The following SS18L1 variants were observed in gnomAD, a reference collection of about 807,000 sequenced individuals.
SS18L1 encodes the protein calcium-responsive transactivator.
Under a neutral mutation model 70.3 loss-of-function variants are expected in SS18L1, and 32 were observed. The ratio of observed to expected loss-of-function variants is 0.46; its 90% CI spans 0.34 to 0.61. The LOEUF (loss-of-function observed/expected upper bound fraction) is 0.61, where lower values mean the gene tolerates loss of function less well. Ranked by LOEUF, SS18L1 falls within the 20% of genes least tolerant of loss-of-function variation. The pLI, the probability that SS18L1 is intolerant of heterozygous loss-of-function variation, is 0.01. For synonymous variants in SS18L1, 237 were observed against 229.7 expected (o/e 1.03, Z -0.29); for missense variants, 430 against 542.1 (o/e 0.79, Z 2.05).
chr20:62,178,380 T>A (rs2057658103), intron 10 of SS18L1, among the ~76,000 whole-genome samples: 1 of 151,436 alleles, frequency 6.6e-6, no homozygotes, highest in African/African-American at 2.4e-5. Flanking sequence ...CTTGAACTCC[T>A]GACCTCAAAT....
At position 62,179,845 on chromosome 20, in the gene SS18L1, A is replaced by T. The variant is rs116239748; in HGVS notation, c.*637A>T. On this transcript the variant is annotated 3_prime_UTR_variant, in exon 11 of 11. Transcript: ENST00000331758. ...CTTGCCCATTGCCTGTCTCTCGCCAATTCCGTTTATCCAAAAAGGTACATG... is the reference window on the plus strand; with the variant it reads ...CTTGCCCATTGCCTGTCTCTCGCCATTTCCGTTTATCCAAAAAGGTACATG... The T allele has an allele frequency of 4.4e-6, 1 of 227,552 alleles. No homozygotes were observed. The highest frequency in any genetic ancestry group is 5.7e-5 in the Admixed American group (1 of 17,596). 14.1% of individuals were successfully genotyped at this position (227,552 alleles called of 1,614,324 possible). A position where few individuals can be genotyped will look rare whatever the true frequency, so the allele number is the denominator to read the frequency against.
chr20:62,160,691 T>A (rs1402047038), intron 3 of SS18L1, among the ~76,000 whole-genome samples: 1 of 152,212 alleles, frequency 6.6e-6, no homozygotes, highest in Non-Finnish European at 1.5e-5. Context: ...ATGACGTATC[T>A]CCTAGTGACC....
chr20:62,156,089 C>T (rs1249108325), intron 1 of SS18L1, among the ~76,000 whole-genome samples: 2 of 152,034 alleles, frequency 1.3e-5, no homozygotes, highest in Non-Finnish European at 2.9e-5. Context: ...AACCTCGCGG[C>T]ACTGCCCTGG....
At chr20:62,179,052 C>T (rs1038586983) in intron 10 of SS18L1, 130 bp from the exon 11 acceptor site, 1 of 980,394 alleles carries the variant, frequency 1.0e-6, no homozygotes. Flanking sequence ...GTTCGCTGCC[C>T]CGCAGAGATG....
intron 10 of SS18L1, among the ~76,000 whole-genome samples, chr20:62,177,649 C>T (rs146871591): frequency 4.9e-4 from 75 of 152,332 alleles, no homozygotes; most frequent in African/African-American, 1.5e-3. Flanking sequence ...TCCGATGCTC[C>T]GTTTTGCTGC....
At chr20:62,156,507 G>A (rs2057226776) in intron 1 of SS18L1, among the ~76,000 whole-genome samples, 1 of 152,228 alleles carries the variant, frequency 6.6e-6, no homozygotes, top group Admixed American at 6.5e-5. Flanking sequence ...AGAGTGGAAA[G>A]GGGGAAGGTA....
At chr20:62,167,149 A>G (rs752871978) in intron 8 of SS18L1, among the ~76,000 whole-genome samples, 35 of 144,254 alleles carry the variant, frequency 2.4e-4, no homozygotes, top group Non-Finnish European at 4.9e-4. Context: ...AGGTTCAAGC[A>G]ATTCTCCTGC....
Position 62,153,561 on chromosome 20 carries a change from C to G in SS18L1, c.70-5111C>G, listed in dbSNP as rs536876367. ...TGGCTTTCTCGGGGGTTGGATCTGC[C>G]TCTGCTGTTGACGTGGTGATGATAA... On this transcript the variant is annotated intron_variant, in intron 1 of 10. Transcript: ENST00000331758. Among the ~76,000 whole-genome samples the G allele has an allele frequency of 1.8e-4, 27 of 152,208 alleles. No individual in the cohort carries two copies. In the South Asian group the frequency reaches 5.4e-3, roughly 31 times the overall value.
chr20:62,152,255 C>T (rs995459587), intron 1 of SS18L1, among the ~76,000 whole-genome samples: 10 of 152,184 alleles, frequency 6.6e-5, no homozygotes, highest in East Asian at 1.9e-4. Flanking sequence ...ATGAGCAGAG[C>T]GGGTCGCACC....
chr20:62,163,164 T>G (rs570692090), intron 5 of SS18L1, among the ~76,000 whole-genome samples: 121 of 152,226 alleles, frequency 7.9e-4, no homozygotes, highest in African/African-American at 2.8e-3. Flanking sequence ...CTGGGGTGTT[T>G]CCCATGGAGT....
At chr20:62,156,244 A>G (rs1169493830) in intron 1 of SS18L1, among the ~76,000 whole-genome samples, 2 of 152,082 alleles carry the variant, frequency 1.3e-5, no homozygotes, top group East Asian at 3.9e-4. Context: ...GGGGGTTAGG[A>G]GTCAAGGAGG....
At position 62,179,476 on chromosome 20, in the gene SS18L1, C is replaced by G. The variant is rs1279793519; in HGVS notation, c.*268C>G. ...AGGTATCCTTTTTTTGTCCCCCGCC[C>G]CCTTCTCAATGTTTCTAGCTAGCTT... On this transcript the variant is annotated 3_prime_UTR_variant, in exon 11 of 11. Coordinates refer to ENST00000331758, the MANE Select transcript of SS18L1 (RefSeq NM_198935.3). 4 of 525,942 alleles carry G rather than the reference C, an allele frequency of 7.6e-6. No homozygotes were observed. Among genetic ancestry groups the G allele is most frequent in the South Asian group, 4.5e-5 (2 of 44,262 alleles). 32.6% of individuals were successfully genotyped at this position (525,942 alleles called of 1,614,324 possible).
chr20:62,175,155 G>A, intron 10 of SS18L1: 3 of 874,100 alleles, frequency 3.4e-6, no homozygotes, highest in Non-Finnish European at 4.1e-6. Flanking sequence ...GGGAGTGGCT[G>A]GCAGCCCCAG....
At chr20:62,145,318 A>ATG (rs1555818674) in intron 1 of SS18L1, among the ~76,000 whole-genome samples, 32 of 152,122 alleles carry the variant, frequency 2.1e-4, no homozygotes, top group Non-Finnish European at 4.3e-4. Flanking sequence ...ACTGAGGCCT[A>ATG]GGGGGGCTAA....
chr20:62,166,531 T>C (rs1261431783), intron 8 of SS18L1, among the ~76,000 whole-genome samples: 1 of 152,140 alleles, frequency 6.6e-6, no homozygotes, highest in East Asian at 1.9e-4. Context: ...TATAGAAACA[T>C]CACGGTGTGC....
At chr20:62,164,081 C>T (rs2057382350) in intron 6 of SS18L1, 64 bp from the exon 7 acceptor site, 6 of 1,457,292 alleles carry the variant, frequency 4.1e-6, no homozygotes, top group Non-Finnish European at 5.6e-6. Context: ...CCCCAGTGAG[C>T]GAGCAGGTCC....
In SS18L1 at chr20:62,162,567, G is replaced by C. The variant is rs1323037698; in HGVS notation, c.377-185G>C. 3 of 617,520 alleles carry C rather than the reference G, an allele frequency of 4.9e-6. No individual in the cohort carries two copies. The East Asian group carries it at 9.5e-5, about 20-fold the overall frequency. The allele number at this position is 617,520 out of a possible 1,614,324, so 38.3% of individuals were successfully genotyped here. ...GATCCACCCACCTCGGCCTCCCAAA[G>C]TGCTGGGATTACAGGCATGAGCCAC... On this transcript the variant is annotated intron_variant, in intron 4 of 10. Transcript: ENST00000331758.
chr20:62,158,658 C>T lies in SS18L1; in HGVS notation c.70-14C>T, dbSNP rs377439894. ...GCCCCGCGTCGGCAGCGCCCGCTCA[C>T]GCTCTCTCCGCAGATGCTGGACGAG... On this transcript the variant is annotated splice_polypyrimidine_tract_variant and intron_variant, in intron 1 of 10. Coordinates refer to ENST00000331758, the MANE Select transcript of SS18L1 (RefSeq NM_198935.3). This position sits in a 1 kb window ranked among gnomAD's most constrained non-coding sequence, Gnocchi z 4.5. 1.2e-5 allele frequency: 20 copies of T among 1,611,716 alleles called. No homozygotes were observed. The highest frequency in any genetic ancestry group is 6.7e-5 in the African/African-American group (5 of 74,954).
In SS18L1 at chr20:62,159,118, G is replaced by A. The variant is rs1362493394; in HGVS notation, c.146+370G>A. On this transcript the variant is annotated intron_variant, in intron 2 of 10. Transcript: ENST00000331758. The surrounding 1 kb of genome is among the most constrained non-coding windows in gnomAD (Gnocchi z 4.4). ...CAGAACTGGGGTAGTTCTGAGGGAGGCGGAAAGTGGGAGGCAGGAGCAGTG... is the reference window on the plus strand; with the variant it reads ...CAGAACTGGGGTAGTTCTGAGGGAGACGGAAAGTGGGAGGCAGGAGCAGTG... Among the ~76,000 whole-genome samples the A allele has an allele frequency of 6.6e-6, 1 of 152,226 alleles. No individual in the cohort carries two copies. Among genetic ancestry groups the A allele is most frequent in the Admixed American group, 6.5e-5 (1 of 15,292 alleles).
Sources: gnomAD v4.1 joint callset for allele counts (sites outside exome capture counted in the v4.1 genomes callset) on GRCh38, gnomAD v4.1.1 for gene constraint, Gnocchi (gnomAD v3.1) non-coding constraint, MANE v1.5 for transcripts, NCBI Gene and HGNC (gene_info 2026-07-23, HGNC 2026-07-21) for gene names.